Variants in TRAPPC9 observed in about 807,000 individuals in gnomAD.
TRAPPC9 encodes trafficking protein particle complex subunit 9, also known as IKK2 binding protein.
TRAPPC9 carries 83 observed loss-of-function variants against 124.0 expected under a neutral mutation model. The observed-to-expected ratio is 0.67, with a 90% CI of 0.56 to 0.80. The LOEUF is 0.80. Ranked by LOEUF, TRAPPC9 falls within the 30% of genes least tolerant of loss-of-function variation. The probability of loss-of-function intolerance (pLI) is 0.00; values close to 1 mark genes in which losing one functional copy is unlikely to be tolerated. For missense variants in TRAPPC9, 1,302 were observed against 1,508.3 expected (o/e 0.86, Z 2.27); for synonymous variants, 638 against 617.5 (o/e 1.03, Z -0.49).
At chr8:140,368,734 T>G (rs1179244141) in intron 8 of TRAPPC9, among the ~76,000 whole-genome samples, 1 of 152,094 alleles carries the variant, frequency 6.6e-6, no homozygotes, top group Non-Finnish European at 1.5e-5. Flanking sequence ...TCCCCTTCAC[T>G]GCCCGCCTGA....
intron 17 of TRAPPC9, chr8:140,039,943 G>C (rs1044873597): frequency 6.6e-6 from 1 of 152,254 alleles, no homozygotes; most frequent in African/African-American, 2.4e-5. Context: ...GGGATGACCA[G>C]GGCTGCACAC....
intron 17 of TRAPPC9, chr8:140,096,886 G>C (rs763968623): frequency 6.6e-6 from 1 of 152,308 alleles, no homozygotes; most frequent in South Asian, 2.1e-4. Context: ...ACGTGGACTG[G>C]ACGTGAGACA....
intron 21 of TRAPPC9, among the ~76,000 whole-genome samples, chr8:139,870,285 A>C (rs1828816288): frequency 6.6e-6 from 1 of 152,234 alleles, no homozygotes; most frequent in South Asian, 2.1e-4. Flanking sequence ...TTGAATATTA[A>C]AGCAAATGAG....
intron 20 of TRAPPC9, among the ~76,000 whole-genome samples, chr8:139,890,999 C>A (rs985627777): frequency 3.9e-5 from 6 of 152,106 alleles, no homozygotes; most frequent in Non-Finnish European, 5.9e-5. Flanking sequence ...GTCTCCATTC[C>A]CCTACCCTGT....
chr8:140,012,223 G>A (rs895075908), intron 18 of TRAPPC9, among the ~76,000 whole-genome samples: 1 of 152,178 alleles, frequency 6.6e-6, no homozygotes, highest in Non-Finnish European at 1.5e-5. Context: ...AAGGCAATGC[G>A]GGGCTCAGAG....
At chr8:139,855,563 G>C (rs1047239540) in intron 21 of TRAPPC9, among the ~76,000 whole-genome samples, 2 of 152,212 alleles carry the variant, frequency 1.3e-5, no homozygotes, top group Non-Finnish European at 2.9e-5. Context: ...CTCCGCTCCT[G>C]ACCTTCTAGA....
At chr8:139,867,704 A>T (rs1270529192) in intron 21 of TRAPPC9, among the ~76,000 whole-genome samples, 1 of 152,254 alleles carries the variant, frequency 6.6e-6, no homozygotes, top group African/African-American at 2.4e-5. Flanking sequence ...ATGAGGACAC[A>T]TCACATACAC....
intron 17 of TRAPPC9, among the ~76,000 whole-genome samples, chr8:140,119,294 G>A (rs2060943835): frequency 6.6e-6 from 1 of 152,230 alleles, no homozygotes. Flanking sequence ...ACTGTGATCA[G>A]GATGATGAAT....
At chr8:140,274,252 A>G (rs981423261) in intron 15 of TRAPPC9, among the ~76,000 whole-genome samples, 5 of 151,932 alleles carry the variant, frequency 3.3e-5, no homozygotes, top group Non-Finnish European at 5.9e-5. Flanking sequence ...GGAAGGATTC[A>G]AGACAAGAAA....
intron 17 of TRAPPC9, among the ~76,000 whole-genome samples, chr8:140,112,350 GCGAGGAGAGGAA>G (rs2060794494): frequency 2.0e-5 from 3 of 147,716 alleles, no homozygotes; most frequent in Admixed American, 6.7e-5. Flanking sequence ...TGGGACAGGT[GCGAGGAGAGGAA>G]TGGAGAATTC....
chr8:140,349,633 A>T lies in TRAPPC9; in HGVS notation c.1495+10417T>A, dbSNP rs1016078213. ...GGGAGAGAGGGAGGCGGCAGGAGGG[A>T]GCGGGGAACACGGAGTGGGCAGGAG... On this transcript the variant is annotated intron_variant, in intron 9 of 22. Coordinates refer to ENST00000438773, the MANE Select transcript of TRAPPC9 (RefSeq NM_001160372.4). 4.6e-5 allele frequency among the ~76,000 whole-genome samples: 7 copies of T among 152,122 alleles called. No homozygotes were observed. The East Asian group carries it at 5.8e-4, about 13-fold the overall frequency.
At chr8:140,276,461 G>GGCCAAGGCA (rs1337706959) in intron 14 of TRAPPC9, among the ~76,000 whole-genome samples, 1 of 152,194 alleles carries the variant, frequency 6.6e-6, no homozygotes, top group Non-Finnish European at 1.5e-5. Context: ...CTACGGGACA[G>GGCCAAGGCA]GCCAAGGCAG....
chr8:140,186,200 G>T (rs936623413), intron 17 of TRAPPC9, among the ~76,000 whole-genome samples: 2 of 152,182 alleles, frequency 1.3e-5, no homozygotes, highest in African/African-American at 2.4e-5. Flanking sequence ...CCCCATTAAA[G>T]AATTTCTATA....
At chr8:140,283,549 G>A (rs1044406355) in intron 14 of TRAPPC9, among the ~76,000 whole-genome samples, 47 of 151,092 alleles carry the variant, frequency 3.1e-4, no homozygotes, top group Admixed American at 7.9e-4. Flanking sequence ...CACCCGCCTC[G>A]GTCTTCAAAG....
intron 15 of TRAPPC9, among the ~76,000 whole-genome samples, chr8:140,260,976 A>T (rs11166967): frequency 6.6e-6 from 1 of 152,260 alleles, no homozygotes; most frequent in African/African-American, 2.4e-5. Flanking sequence ...CATGAGCTCT[A>T]GGGTCAGACA....
intron 17 of TRAPPC9, among the ~76,000 whole-genome samples, chr8:140,153,680 C>A (rs1017070164): frequency 2.6e-5 from 4 of 152,166 alleles, no homozygotes; most frequent in Non-Finnish European, 4.4e-5. Flanking sequence ...AATGACTCAT[C>A]AAATCAATCC....
At chr8:139,950,091 A>G (rs1260991451) in intron 19 of TRAPPC9, among the ~76,000 whole-genome samples, 1 of 152,186 alleles carries the variant, frequency 6.6e-6, no homozygotes, top group Non-Finnish European at 1.5e-5. Flanking sequence ...TTTTTGTCCC[A>G]TGATGGCGAG....
chr8:140,272,120 G>GTGA (rs1554657945), intron 15 of TRAPPC9, among the ~76,000 whole-genome samples: 18 of 126,378 alleles, frequency 1.4e-4, no homozygotes, highest in African/African-American at 5.3e-4. Context: ...GGTGGCAATG[G>GTGA]TGATGGTGGC....
chr8:139,830,563 AATACACATGCACACAC>A (rs1281354223), intron 21 of TRAPPC9, among the ~76,000 whole-genome samples: 1 of 151,378 alleles, frequency 6.6e-6, no homozygotes, highest in Non-Finnish European at 1.5e-5. Flanking sequence ...AGCACATGCA[AATACACATGCACACAC>A]ATACACATGC....
Sources: gnomAD v4.1 joint callset for allele counts (sites outside exome capture counted in the v4.1 genomes callset) on GRCh38, gnomAD v4.1.1 for gene constraint, MANE v1.5 for transcripts, NCBI Gene and HGNC (gene_info 2026-07-23, HGNC 2026-07-21) for gene names.